PHC2: variants seen among roughly 807,000 people sequenced by gnomAD.
The protein encoded by PHC2 is polyhomeotic homolog 2, also known as polyhomeotic-like protein 2.
PHC2 carries 29 observed loss-of-function variants against 87.4 expected under a neutral mutation model. That is an observed-to-expected ratio of 0.33 (90% CI 0.25 to 0.45). PHC2 has a LOEUF of 0.45. Among genes scored for constraint, PHC2 ranks in the 20% least tolerant of loss-of-function variants. The pLI is 1.00. For missense variants in PHC2, 857 were observed against 1,136.7 expected, an observed-to-expected ratio of 0.75 and a Z score of 3.54; for synonymous variants, 438 against 461.7, an observed-to-expected ratio of 0.95 and a Z score of 0.66.
chr1:33,349,380 C>T lies in PHC2; in HGVS notation c.1558+5021G>A. 1 of 985,380 alleles carries T rather than the reference C, an allele frequency of 1.0e-6. No homozygotes were observed. The highest frequency in any genetic ancestry group is 4.7e-5 in the South Asian group (1 of 21,290). The allele number at this position is 985,380 out of a possible 1,614,324, so 61.0% of individuals were successfully genotyped here. ...CGGCGCGCCGAGGTGACACGGCTTC[C>T]AGGGGCGACGGGCGCGCAGGGTCCC... is the stretch of plus-strand genomic sequence containing the variant. On this transcript the variant is annotated intron_variant, in intron 9 of 14. Transcript: ENST00000683057. This position sits in a 1 kb window ranked among gnomAD's most constrained non-coding sequence, Gnocchi z 4.2.
At chr1:33,358,689 G>C (rs557529042) in intron 7 of PHC2, among the ~76,000 whole-genome samples, 19 of 152,238 alleles carry the variant, frequency 1.2e-4, no homozygotes, top group African/African-American at 4.3e-4. Context: ...TAAAGCCCCT[G>C]GCAGACATTC....
At position 33,349,917 on chromosome 1, in the gene PHC2, T is replaced by A; in HGVS notation, c.1558+4484A>T. The A allele has an allele frequency of 1.1e-6, 1 of 934,298 alleles. No individual in the cohort carries two copies. The highest frequency in any genetic ancestry group is 1.3e-6 in the Non-Finnish European group (1 of 791,904). The allele number at this position is 934,298 out of a possible 1,614,324, so 57.9% of individuals were successfully genotyped here. A position where few individuals can be genotyped will look rare whatever the true frequency, so the allele number is the denominator to read the frequency against. ...GACAATGCGGCGAGTCTGGGACGGC[T>A]CCCGCGGCCGCCTCCGCCGGGGGCG... On this transcript the variant is annotated intron_variant, in intron 9 of 14. Transcript: ENST00000683057. This position sits in a 1 kb window ranked among gnomAD's most constrained non-coding sequence, Gnocchi z 4.2.
chr1:33,384,702 C>A (rs558628893), intron 1 of PHC2, among the ~76,000 whole-genome samples: 1 of 152,174 alleles, frequency 6.6e-6, no homozygotes, highest in Non-Finnish European at 1.5e-5. Context: ...TCAGCTATAA[C>A]GTCTGTTCCT....
At chr1:33,424,723 A>G (rs575247338) in intron 1 of PHC2, among the ~76,000 whole-genome samples, 8 of 152,332 alleles carry the variant, frequency 5.3e-5, no homozygotes, top group Admixed American at 2.6e-4. Flanking sequence ...AGAGAAAATA[A>G]TATTTTTCTA....
chr1:33,392,120 C>T (rs1198223307), intron 1 of PHC2, among the ~76,000 whole-genome samples: 1 of 152,158 alleles, frequency 6.6e-6, no homozygotes, highest in East Asian at 1.9e-4. Context: ...ATTCAGGACA[C>T]AATCTTGAAA....
chr1:33,347,966 C>G (rs958766107), intron 9 of PHC2: 1 of 152,308 alleles, frequency 6.6e-6, no homozygotes, highest in African/African-American at 2.4e-5. Flanking sequence ...GTGAATACTC[C>G]CAAATGTAGA....
chr1:33,345,509 C>G, intron 9 of PHC2: 3 of 975,618 alleles, frequency 3.1e-6, no homozygotes, highest in Non-Finnish European at 3.7e-6. Flanking sequence ...GAGAAGGAAA[C>G]AAAAAAAACC....
chr1:33,365,352 G>T (rs780132605), intron 7 of PHC2, among the ~76,000 whole-genome samples: 1 of 152,152 alleles, frequency 6.6e-6, no homozygotes, highest in South Asian at 2.1e-4. Flanking sequence ...GCCTTAGGAG[G>T]AACCCAAGAA....
At position 33,372,322 on chromosome 1, in the gene PHC2, G is replaced by A. The variant is rs757286610; in HGVS notation, c.300C>T (p.Ser100=). ...TAALQQQHLS[S]AQLQSLAAVQ... ...CGGCTGCCAGGCTCTGGAGCTGGGC[G>A]CTGCTGAGGTGCTGCTGCTGGAGCG... Residue 100 remains serine, a synonymous_variant, in exon 3 of 15, where the codon AGC becomes AGT. Coordinates refer to ENST00000683057, the MANE Select transcript of PHC2 (RefSeq NM_001385109.1). The A allele has an allele frequency of 4.4e-5, 70 of 1,595,010 alleles. No individual in the cohort carries two copies. Among genetic ancestry groups the A allele is most frequent in the South Asian group, 6.7e-5 (6 of 89,136 alleles).
At chr1:33,333,393 A>C (rs920253158) in intron 10 of PHC2, 1 of 152,468 alleles carries the variant, frequency 6.6e-6, no homozygotes, top group African/African-American at 2.4e-5. Context: ...ATCAGAACAG[A>C]GGCTGGTGTG....
In PHC2 at chr1:33,331,790, G is replaced by A. The variant is rs1646503880; in HGVS notation, c.1892-328C>T. 3.3e-6 allele frequency: 1 copy of A among 304,188 alleles called. No homozygotes were observed. The highest frequency in any genetic ancestry group is 6.1e-6 in the Non-Finnish European group (1 of 162,774). 18.8% of individuals were successfully genotyped at this position (304,188 alleles called of 1,614,324 possible). A position where few individuals can be genotyped will look rare whatever the true frequency, so the allele number is the denominator to read the frequency against. On this transcript the variant is annotated intron_variant, in intron 11 of 14. Coordinates refer to ENST00000683057, the MANE Select transcript of PHC2 (RefSeq NM_001385109.1). This position sits in a 1 kb window ranked among gnomAD's most constrained non-coding sequence, Gnocchi z 5.2. ...AGGAAATACTCTGGATGCTGTCACA[G>A]CTGCTCCGCTGGCATCATCACACCT...
intron 1 of PHC2, among the ~76,000 whole-genome samples, chr1:33,383,185 C>T (rs1247214700): frequency 1.3e-5 from 2 of 152,190 alleles, no homozygotes; most frequent in African/African-American, 2.4e-5. Context: ...TTACACCTCT[C>T]GGCTGCTGCA....
intron 1 of PHC2, among the ~76,000 whole-genome samples, chr1:33,399,640 C>T (rs1053161732): frequency 6.6e-6 from 1 of 152,146 alleles, no homozygotes; most frequent in African/African-American, 2.4e-5. Context: ...AGGACCATGA[C>T]TCAAATCCAC....
At chr1:33,410,633 C>T (rs1649945039) in intron 1 of PHC2, among the ~76,000 whole-genome samples, 1 of 152,118 alleles carries the variant, frequency 6.6e-6, no homozygotes, top group Non-Finnish European at 1.5e-5. Context: ...TTTGTTGAGG[C>T]AATGGGCAGA....
intron 7 of PHC2, among the ~76,000 whole-genome samples, chr1:33,355,826 G>A (rs530847093): frequency 3.6e-4 from 55 of 152,308 alleles, no homozygotes; most frequent in African/African-American, 1.3e-3. Context: ...AAGGGACCTG[G>A]AAATAACTAC....
rs1471791888 is a variant in PHC2 at position 33,355,195 on chromosome 1, C to T, written c.1035G>A (p.Gln345=). 1 of 1,605,192 alleles carries T rather than the reference C, an allele frequency of 6.2e-7. No homozygotes were observed. The highest frequency in any genetic ancestry group is 1.7e-5 in the Admixed American group (1 of 59,716). Residue 345 remains glutamine, a synonymous_variant, in exon 8 of 15, where the codon CAG becomes CAA. Transcript: ENST00000683057. ...GCTGCTGCTGGATCACAAATTGGGG[C>T]TGCAGGTGCTTTGAGGATGGCTGTG... The part of the protein sequence containing the change: ...LLPQPSSKHL[Q]PQFVIQQQPQ...
At chr1:33,416,245 A>G (rs1029703025) in intron 1 of PHC2, among the ~76,000 whole-genome samples, 5 of 152,152 alleles carry the variant, frequency 3.3e-5, no homozygotes, top group African/African-American at 1.2e-4. Context: ...CAGAGAAAAA[A>G]GACATTACAG....
intron 1 of PHC2, among the ~76,000 whole-genome samples, chr1:33,379,302 C>T (rs1427371065): frequency 3.9e-5 from 2 of 51,022 alleles, no homozygotes; most frequent in African/African-American, 1.6e-4. Context: ...CGCCCCCCTG[C>T]CCCCCCACCC....
chr1:33,424,256 T>TTAA (rs1650579297), intron 1 of PHC2, among the ~76,000 whole-genome samples: 1 of 152,230 alleles, frequency 6.6e-6, no homozygotes, highest in South Asian at 2.1e-4. Flanking sequence ...TGCCTTATAA[T>TTAA]AGTCATCATT....
Sources: gnomAD v4.1 joint callset for allele counts (sites outside exome capture counted in the v4.1 genomes callset) on GRCh38, gnomAD v4.1.1 for gene constraint, Gnocchi (gnomAD v3.1) non-coding constraint, MANE v1.5 for transcripts, NCBI Gene and HGNC (gene_info 2026-07-23, HGNC 2026-07-21) for gene names.